TLDC2: variants seen among roughly 807,000 people sequenced by gnomAD.
TLDC2 encodes TBC/LysM-associated domain containing 2.
In TLDC2, 23 loss-of-function variants were observed where a neutral mutation model predicts 27.9. That is an observed-to-expected ratio of 0.82 (90% CI 0.59 to 1.17). TLDC2 has a LOEUF of 1.17. Among genes scored for constraint, TLDC2 ranks in the 50% most tolerant of loss-of-function variants. The pLI, the probability that TLDC2 is intolerant of heterozygous loss-of-function variation, is 0.00. For missense variants in TLDC2, 286 were observed against 273.4 expected (o/e 1.05, Z -0.32); for synonymous variants, 124 against 107.4 (o/e 1.16, Z -0.96).
intron 4 of TLDC2, among the ~76,000 whole-genome samples, chr20:36,884,270 C>T (rs958884842): frequency 3.9e-5 from 6 of 152,192 alleles, no homozygotes; most frequent in African/African-American, 1.4e-4. Flanking sequence ...TCCTTTCTCT[C>T]GCTCTGCTCC....
At chr20:36,884,367 T>C (rs1453562656) in intron 4 of TLDC2, among the ~76,000 whole-genome samples, 6 of 152,158 alleles carry the variant, frequency 3.9e-5, no homozygotes, top group Non-Finnish European at 8.8e-5. Context: ...GCCTAGAATG[T>C]CCCTCCACTG....
At chr20:36,888,008 G>C (rs1236053784) in intron 5 of TLDC2, among the ~76,000 whole-genome samples, 1 of 152,126 alleles carries the variant, frequency 6.6e-6, no homozygotes, top group Non-Finnish European at 1.5e-5. Context: ...TGAGAGCATT[G>C]CTTGATTAGT....
At chr20:36,888,633 G>C (rs1234419287) in intron 5 of TLDC2, among the ~76,000 whole-genome samples, 3 of 149,086 alleles carry the variant, frequency 2.0e-5, no homozygotes, top group Non-Finnish European at 4.5e-5. Flanking sequence ...GTGAACCCGG[G>C]AGGTGGAGCT....
rs776267197 is a variant in TLDC2 at position 36,893,115 on chromosome 20, A to G, written c.*271A>G. 1.2e-6 allele frequency: 2 copies of G among 1,604,280 alleles called. No homozygotes were observed. Among genetic ancestry groups the G allele is most frequent in the Admixed American group, 1.7e-5 (1 of 59,976 alleles). ...AGGCAATAGAGAAAAGCCAGTTTCC[A>G]TCATCTTATTTCTGAGTGAAAGTCT... On this transcript the variant is annotated 3_prime_UTR_variant, in exon 7 of 7. Coordinates refer to ENST00000217320, the MANE Select transcript of TLDC2 (RefSeq NM_080628.3).
At chr20:36,878,803 C>T (rs1322610576) in intron 2 of TLDC2, among the ~76,000 whole-genome samples, 1 of 151,984 alleles carries the variant, frequency 6.6e-6, no homozygotes, top group Non-Finnish European at 1.5e-5. Flanking sequence ...CCCATGCGAG[C>T]TTTGGGCTAG....
At chr20:36,890,438 T>C (rs543929673) in intron 6 of TLDC2, 54 of 148,494 alleles carry the variant, frequency 3.6e-4, no homozygotes, top group African/African-American at 1.3e-3. Context: ...TCTCTTTCCT[T>C]CCTTCCTTCC....
chr20:36,877,385 A>G (rs1166437872), intron 1 of TLDC2, among the ~76,000 whole-genome samples: 1 of 151,414 alleles, frequency 6.6e-6, no homozygotes, highest in Non-Finnish European at 1.5e-5. Context: ...TGTCTCAAAA[A>G]AAAAAAAAAA....
rs1294856839 is a variant in TLDC2, at chr20:36,893,824, C to G, written c.*980C>G. ...CTCAGATCCATTCTTCACTCTTCCT[C>G]TCCCTACTCTGTCTCACAGGAGCTA... On this transcript the variant is annotated 3_prime_UTR_variant, in exon 7 of 7. Transcript: ENST00000217320. The G allele has an allele frequency of 7.5e-6, 3 of 398,576 alleles. No homozygotes were observed. The East Asian group carries it at 1.1e-4, about 14-fold the overall frequency. 24.7% of individuals were successfully genotyped at this position (398,576 alleles called of 1,614,324 possible). A position where few individuals can be genotyped will look rare whatever the true frequency, so the allele number is the denominator to read the frequency against.
intron 3 of TLDC2, 34 bp from the exon 4 acceptor site, chr20:36,880,621 C>G: frequency 6.3e-7 from 1 of 1,591,940 alleles, no homozygotes; most frequent in Non-Finnish European, 8.6e-7. Flanking sequence ...CCCTAGCTCC[C>G]TTCCAGCTGC....
intron 5 of TLDC2, among the ~76,000 whole-genome samples, chr20:36,888,963 G>C (rs1187478560): frequency 6.6e-6 from 1 of 151,568 alleles, no homozygotes. Context: ...TGGAGGTTGT[G>C]GTGAGCCAGG....
At chr20:36,884,884 T>TC (rs1382091957) in intron 4 of TLDC2, among the ~76,000 whole-genome samples, 4 of 145,542 alleles carry the variant, frequency 2.7e-5, no homozygotes, top group Non-Finnish European at 4.5e-5. Context: ...TCTTTTTTTT[T>TC]TTTTTTTTTT....
intron 3 of TLDC2, among the ~76,000 whole-genome samples, chr20:36,880,070 CATAT>C (rs1186641126): frequency 0.016 from 1,165 of 73,046 alleles, 36 homozygotes; most frequent in African/African-American, 0.046. Flanking sequence ...TATATATATA[CATAT>C]ATATATATAT....
At chr20:36,878,960 C>CT in intron 2 of TLDC2, 81 bp from the exon 3 acceptor site, 1 of 1,605,322 alleles carries the variant, frequency 6.2e-7, no homozygotes, top group Non-Finnish European at 8.5e-7. Flanking sequence ...TGGATGCATG[C>CT]TAGCTGTCCA....
chr20:36,880,081 A>ATATATATATATGTGTGTG (rs1568748454), intron 3 of TLDC2, among the ~76,000 whole-genome samples: 13 of 42,020 alleles, frequency 3.1e-4, no homozygotes, highest in Non-Finnish European at 7.1e-4. Context: ...ATATATATAT[A>ATATATATATATGTGTGTG]TATATATATA....
intron 6 of TLDC2, chr20:36,892,591 G>A (rs990115579): frequency 9.4e-6 from 3 of 320,676 alleles, no homozygotes; most frequent in East Asian, 8.1e-5. Flanking sequence ...AGGAAAGTTC[G>A]AGTCCAAGCT....
chr20:36,878,183 C>T (rs550040012), intron 2 of TLDC2, 129 bp downstream of exon 2: 18 of 1,009,304 alleles, frequency 1.8e-5, no homozygotes, highest in African/African-American at 1.0e-4. Flanking sequence ...GCGTTACCTC[C>T]GGCAAATTGC....
At position 36,893,816 on chromosome 20, in the gene TLDC2, C is replaced by A; in HGVS notation, c.*972C>A. The A allele has an allele frequency of 2.5e-6, 1 of 398,516 alleles. No homozygotes were observed. Among genetic ancestry groups the A allele is most frequent in the Non-Finnish European group, 4.4e-6 (1 of 226,024 alleles). 24.7% of individuals were successfully genotyped at this position (398,516 alleles called of 1,614,324 possible). On this transcript the variant is annotated 3_prime_UTR_variant, in exon 7 of 7. Coordinates refer to ENST00000217320, the MANE Select transcript of TLDC2 (RefSeq NM_080628.3). Reference sequence around the variant, plus strand: ...TATTTGCTCTCAGATCCATTCTTCACTCTTCCTCTCCCTACTCTGTCTCAC... The same window carrying A: ...TATTTGCTCTCAGATCCATTCTTCAATCTTCCTCTCCCTACTCTGTCTCAC...
intron 1 of TLDC2, 90 bp from the exon 2 acceptor site, chr20:36,877,809 G>T: frequency 2.8e-6 from 4 of 1,429,760 alleles, no homozygotes; most frequent in Non-Finnish European, 3.8e-6. Flanking sequence ...GGAGTGATGA[G>T]GTGGCCCGAG....
chr20:36,877,953 G>T lies in TLDC2; in HGVS notation c.88G>T (p.Glu30Ter). 6.2e-7 allele frequency: 1 copy of T among 1,614,114 alleles called. No individual in the cohort carries two copies. Among genetic ancestry groups the T allele is most frequent in the South Asian group, 1.1e-5 (1 of 91,078 alleles). The stretch of plus-strand genomic sequence containing the variant: ...GGAGGAGGGTAACGAAGAGGAAGAG[G>T]AGGAGGAGGCAGCTCCAGACCCAGC... ...SGEEGNEEEE[E>*]EEAAPDPAAA... The change falls in exon 2 of 7, where the codon GAG becomes TAG. Residue 30 changes from glutamate to a stop codon, truncating the protein, a stop_gained. Coordinates refer to ENST00000217320, the MANE Select transcript of TLDC2 (RefSeq NM_080628.3). LOFTEE classifies it high-confidence loss of function.
Sources: allele counts gnomAD v4.1 joint callset (sites outside exome capture counted in the v4.1 genomes callset), GRCh38; gene constraint gnomAD v4.1.1; transcripts MANE v1.5; gene names NCBI Gene and HGNC (gene_info 2026-07-23, HGNC 2026-07-21).